The following SHQ1 variants were observed in gnomAD, a reference collection of about 807,000 sequenced individuals.
SHQ1 encodes protein SHQ1 homolog.
In SHQ1, 49 loss-of-function variants were observed where a neutral mutation model predicts 53.8. The observed-to-expected ratio is 0.91, with a 90% CI of 0.72 to 1.16. The LOEUF is 1.16. Among genes scored for constraint, SHQ1 ranks in the 50% most tolerant of loss-of-function variants. The pLI, the probability that SHQ1 is intolerant of heterozygous loss-of-function variation, is 0.00. For missense variants in SHQ1, 738 were observed against 683.1 expected (o/e 1.08, Z -0.90); for synonymous variants, 243 against 251.0 (o/e 0.97, Z 0.30).
chr3:72,797,112 G>T (rs145239836), intron 9 of SHQ1, among the ~76,000 whole-genome samples: 3,101 of 151,802 alleles, frequency 0.02, 95 homozygotes, highest in African/African-American at 0.069. Context: ...ACAAAAATTA[G>T]CCGGGCATGA....
At chr3:72,780,096 T>TA (rs1575687246) in intron 10 of SHQ1, among the ~76,000 whole-genome samples, 1 of 152,124 alleles carries the variant, frequency 6.6e-6, no homozygotes, top group African/African-American at 2.4e-5. Flanking sequence ...TTTAATTTTT[T>TA]AAAAAAGGTA....
chr3:72,755,274 A>AGATGGATGGATGGATG (rs879644608), intron 10 of SHQ1, among the ~76,000 whole-genome samples: 2 of 150,238 alleles, frequency 1.3e-5, no homozygotes, highest in African/African-American at 5.0e-5. Context: ...ATAGATGGAT[A>AGATGGATGGATGGATG]GATGGATGGA....
In SHQ1 at chr3:72,837,019, C is replaced by G. The variant is rs556917041; in HGVS notation, c.486+4026G>C. On this transcript the variant is annotated intron_variant, in intron 4 of 10. Transcript: ENST00000325599. ...CCCTGTGTAGCCAAAAGGACAGGGC[C>G]AGCAAGCCTGGCGTCCTGCAGCACT... Among the ~76,000 whole-genome samples the G allele has an allele frequency of 3.5e-4, 53 of 152,292 alleles. 2 individuals carry two copies. The South Asian group carries it at 0.011, about 31-fold the overall frequency.
chr3:72,733,676 A>G, the SHQ1 span, among the ~76,000 whole-genome samples: 1 of 151,638 alleles, frequency 6.6e-6, no homozygotes, highest in African/African-American at 2.4e-5. Flanking sequence ...AACATTTAAT[A>G]AGACACCCAA....
intron 5 of SHQ1, among the ~76,000 whole-genome samples, chr3:72,826,296 C>G (rs1380552599): frequency 6.6e-6 from 1 of 152,200 alleles, no homozygotes; most frequent in African/African-American, 2.4e-5. Flanking sequence ...AGCCTATTTT[C>G]TTATTAGCTA....
chr3:72,804,412 C>T (rs773022412), intron 9 of SHQ1, among the ~76,000 whole-genome samples: 6 of 152,056 alleles, frequency 3.9e-5, no homozygotes, highest in Admixed American at 6.5e-5. Context: ...CTCCCTCCTC[C>T]GGCACCACCC....
intron 9 of SHQ1, among the ~76,000 whole-genome samples, chr3:72,806,716 CT>C (rs2106839656): frequency 6.6e-6 from 1 of 152,306 alleles, no homozygotes; most frequent in South Asian, 2.1e-4. Context: ...CATGAACCTC[CT>C]CACATGGTTT....
At chr3:72,740,847 C>T in the SHQ1 span, among the ~76,000 whole-genome samples, 1 of 152,186 alleles carries the variant, frequency 6.6e-6, no homozygotes, top group Non-Finnish European at 1.5e-5. Context: ...ATCTTTTCTC[C>T]ATTACATAGA....
chr3:72,769,482 A>G (rs570046065), intron 10 of SHQ1, among the ~76,000 whole-genome samples: 1 of 152,318 alleles, frequency 6.6e-6, no homozygotes, highest in East Asian at 1.9e-4. Flanking sequence ...GACTGGTACC[A>G]CTGCTTCCAG....
At chr3:72,788,319 G>A (rs943605880) in intron 10 of SHQ1, among the ~76,000 whole-genome samples, 32 of 150,694 alleles carry the variant, frequency 2.1e-4, no homozygotes, top group Non-Finnish European at 3.8e-4. Flanking sequence ...GCCTCTGCCC[G>A]GCTGCGACCC....
At chr3:72,843,580 C>A (rs1320339805) in intron 2 of SHQ1, among the ~76,000 whole-genome samples, 1 of 152,210 alleles carries the variant, frequency 6.6e-6, no homozygotes, top group Admixed American at 6.5e-5. Flanking sequence ...TCCGCATACA[C>A]AATCTTCCTT....
intron 10 of SHQ1, among the ~76,000 whole-genome samples, chr3:72,770,357 C>T (rs1283620206): frequency 2.0e-5 from 3 of 152,210 alleles, no homozygotes; most frequent in African/African-American, 7.2e-5. Context: ...CCATAATACT[C>T]TATGGCCTCA....
At chr3:72,821,758 C>T (rs1350145454) in intron 6 of SHQ1, among the ~76,000 whole-genome samples, 1 of 152,186 alleles carries the variant, frequency 6.6e-6, no homozygotes, top group African/African-American at 2.4e-5. Flanking sequence ...GGTACAGCAG[C>T]ATGCACCATA....
chr3:72,736,240 C>G, the SHQ1 span, among the ~76,000 whole-genome samples: 1 of 150,740 alleles, frequency 6.6e-6, no homozygotes, highest in Non-Finnish European at 1.5e-5. Context: ...GCTTTCTGCA[C>G]AGCCTCCCCC....
chr3:72,804,320 T>G (rs1706874568), intron 9 of SHQ1, among the ~76,000 whole-genome samples: 1 of 152,136 alleles, frequency 6.6e-6, no homozygotes, highest in Non-Finnish European at 1.5e-5. Context: ...CAGAGGTATG[T>G]GTGTCATGGT....
intron 10 of SHQ1, among the ~76,000 whole-genome samples, chr3:72,751,506 G>GTATATATA (rs1312437115): frequency 4.3e-5 from 5 of 117,444 alleles, no homozygotes; most frequent in Admixed American, 7.9e-5. Flanking sequence ...GTGTGTGTGT[G>GTATATATA]TGTATATATA....
chr3:72,748,400 C>T (rs2106693497), downstream of SHQ1, among the ~76,000 whole-genome samples: 1 of 123,874 alleles, frequency 8.1e-6, no homozygotes, highest in Non-Finnish European at 1.6e-5. Flanking sequence ...TTATAAAGAA[C>T]TCTCAAACTG....
chr3:72,827,727 T>C (rs1707701980), intron 5 of SHQ1, among the ~76,000 whole-genome samples: 1 of 151,696 alleles, frequency 6.6e-6, no homozygotes, highest in Non-Finnish European at 1.5e-5. Flanking sequence ...TGTTTTTTCA[T>C]CTGAGATCTC....
intron 10 of SHQ1, among the ~76,000 whole-genome samples, chr3:72,769,439 G>A (rs1386100680): frequency 6.6e-6 from 1 of 152,150 alleles, no homozygotes. Flanking sequence ...AACATAGTCT[G>A]TATATCTCAA....
Sources: allele counts gnomAD v4.1 joint callset (sites outside exome capture counted in the v4.1 genomes callset), GRCh38; gene constraint gnomAD v4.1.1; transcripts MANE v1.5; gene names NCBI Gene and HGNC (gene_info 2026-07-23, HGNC 2026-07-21).